Variants in OR3A2 observed in about 807,000 individuals in gnomAD.
OR3A2 encodes the protein olfactory receptor 3A2.
For synonymous variants in OR3A2, 126 were observed against 159.3 expected (o/e 0.79, Z 1.57); for missense variants, 318 against 392.8 (o/e 0.81, Z 1.61).
intron 3 of OR3A2, among the ~76,000 whole-genome samples, chr17:3,316,112 A>G (rs58196307): frequency 0.15 from 23,029 of 151,986 alleles, 2,321 homozygotes; most frequent in African/African-American, 0.28. Flanking sequence ...CCACTTCCCT[A>G]TTGCACAGTT....
At chr17:3,370,385 T>C (rs991811769) in intron 2 of OR3A2, among the ~76,000 whole-genome samples, 4 of 152,230 alleles carry the variant, frequency 2.6e-5, no homozygotes, top group Non-Finnish European at 4.4e-5. Flanking sequence ...CCATTTTGTT[T>C]CTAAGTGAGC....
At chr17:3,299,755 G>A (rs1306362446) in intron 3 of OR3A2, among the ~76,000 whole-genome samples, 1 of 152,128 alleles carries the variant, frequency 6.6e-6, no homozygotes, top group Non-Finnish European at 1.5e-5. Context: ...AGTGACTGAC[G>A]GCGTGCCTTA....
At chr17:3,348,655 A>G (rs567553262) in intron 2 of OR3A2, among the ~76,000 whole-genome samples, 22,708 of 151,634 alleles carry the variant, frequency 0.15, 2,275 homozygotes, top group African/African-American at 0.28. Context: ...GCAGGCCAAC[A>G]TTCAGATTCA....
chr17:3,291,754 C>G (rs2048869957), intron 3 of OR3A2: 2 of 1,613,640 alleles, frequency 1.2e-6, no homozygotes, highest in African/African-American at 2.7e-5. Flanking sequence ...AAAATTCCAA[C>G]AGCTTTATCC....
At chr17:3,383,304 A>T (rs144850186) in intron 2 of OR3A2, among the ~76,000 whole-genome samples, 142 of 152,330 alleles carry the variant, frequency 9.3e-4, no homozygotes, top group African/African-American at 3.2e-3. Flanking sequence ...GGACTGGCCT[A>T]TCTCAAGAAG....
At chr17:3,298,454 C>T (rs753099159) in intron 3 of OR3A2, 3 of 152,124 alleles carry the variant, frequency 2.0e-5, no homozygotes, top group Non-Finnish European at 4.4e-5. Context: ...AGAAATGGGT[C>T]CAGGCAGGAA....
At chr17:3,286,852 T>C (rs1365226472), upstream of OR3A2, among the ~76,000 whole-genome samples, 1 of 152,250 alleles carries the variant, frequency 6.6e-6, no homozygotes, top group Non-Finnish European at 1.5e-5. Context: ...GCAAAAATTT[T>C]CTCCCATTCC....
At chr17:3,294,085 G>A (rs1395290840) in intron 3 of OR3A2, among the ~76,000 whole-genome samples, 2 of 151,874 alleles carry the variant, frequency 1.3e-5, no homozygotes, top group Non-Finnish European at 2.9e-5. Flanking sequence ...AAACCTGCAT[G>A]TCCTGCACAT....
At chr17:3,296,482 T>C (rs1415368425) in intron 3 of OR3A2, among the ~76,000 whole-genome samples, 2 of 152,082 alleles carry the variant, frequency 1.3e-5, no homozygotes, top group African/African-American at 4.8e-5. Flanking sequence ...ACAGAGCTAA[T>C]AAACAAGTTC....
chr17:3,367,601 G>GTATATATATATA (rs553464584), intron 2 of OR3A2, among the ~76,000 whole-genome samples: 1,312 of 122,484 alleles, frequency 0.011, 48 homozygotes, highest in South Asian at 0.033. Context: ...GTGTGTGTGT[G>GTATATATATATA]TATATATATA....
At chr17:3,334,379 T>C (rs1025052253) in intron 3 of OR3A2, among the ~76,000 whole-genome samples, 2 of 152,188 alleles carry the variant, frequency 1.3e-5, no homozygotes, top group Non-Finnish European at 1.5e-5. Flanking sequence ...CTTCCACATA[T>C]GAGTGAGAAC....
At chr17:3,357,155 T>A (rs908544646) in intron 2 of OR3A2, among the ~76,000 whole-genome samples, 2 of 151,726 alleles carry the variant, frequency 1.3e-5, no homozygotes, top group African/African-American at 4.9e-5. Flanking sequence ...TTCTTGCCTG[T>A]TTGCATAGGT....
At chr17:3,327,962 T>C (rs1318021880) in intron 3 of OR3A2, among the ~76,000 whole-genome samples, 2 of 127,644 alleles carry the variant, frequency 1.6e-5, no homozygotes, top group Non-Finnish European at 3.3e-5. Context: ...TACTGTAGCC[T>C]TGTAGTATAG....
chr17:3,320,848 A>C (rs1410628102), intron 3 of OR3A2, among the ~76,000 whole-genome samples: 4 of 151,886 alleles, frequency 2.6e-5, no homozygotes, highest in Non-Finnish European at 5.9e-5. Context: ...CTTAGGATTG[A>C]CTTGGCGGTG....
chr17:3,292,632 T>A (rs2048886740), intron 3 of OR3A2: 1 of 1,437,472 alleles, frequency 7.0e-7, no homozygotes, highest in South Asian at 1.3e-5. Context: ...CTCCTCCCAA[T>A]AATTTATTTA....
chr17:3,353,530 G>C (rs2049438235), intron 2 of OR3A2, among the ~76,000 whole-genome samples: 1 of 151,648 alleles, frequency 6.6e-6, no homozygotes, highest in Non-Finnish European at 1.5e-5. Flanking sequence ...ATTATGTTGA[G>C]GTATTCTCCT....
chr17:3,281,235 ATT>A (rs58615412), intron 1 of OR3A2, among the ~76,000 whole-genome samples: 2,665 of 137,312 alleles, frequency 0.019, 82 homozygotes, highest in African/African-American at 0.067. Flanking sequence ...AGGCATCAGG[ATT>A]TTTTTTTTTT....
At chr17:3,278,295 A>C (rs1351558072) in exon 2 of OR3A2, 1 of 1,614,130 alleles carries the variant, frequency 6.2e-7, no homozygotes, top group African/African-American at 1.3e-5. Flanking sequence ...GCCTGCCATG[A>C]TGAAACCCAC....
upstream of OR3A2, among the ~76,000 whole-genome samples, chr17:3,286,105 C>T (rs767836802): frequency 3.3e-5 from 5 of 152,084 alleles, no homozygotes; most frequent in African/African-American, 4.8e-5. Context: ...GTGGTCTTCC[C>T]GTCCCTGCGT....
Sources: gnomAD v4.1 joint callset for allele counts (sites outside exome capture counted in the v4.1 genomes callset) on GRCh38, gnomAD v4.1.1 for gene constraint, MANE v1.5 for transcripts, NCBI Gene and HGNC (gene_info 2026-07-23, HGNC 2026-07-21) for gene names.